The following FHIT variants were observed in gnomAD, a reference collection of about 807,000 sequenced individuals.
FHIT encodes the protein fragile histidine triad diadenosine triphosphatase.
FHIT carries 19 observed loss-of-function variants against 17.9 expected under a neutral mutation model. The observed-to-expected ratio is 1.06, with a 90% CI of 0.74 to 1.56. The LOEUF (loss-of-function observed/expected upper bound fraction) is 1.56. FHIT is among the 40% of genes most tolerant of loss of function. The probability of loss-of-function intolerance (pLI) is 0.00; values close to 1 mark genes in which losing one functional copy is unlikely to be tolerated. For missense variants in FHIT, 248 were observed against 189.2 expected (o/e 1.31, Z -1.82); for synonymous variants, 81 against 69.7 (o/e 1.16, Z -0.81).
chr3:60,109,015 T>C (rs1317176247), intron 5 of FHIT, among the ~76,000 whole-genome samples: 1 of 152,162 alleles, frequency 6.6e-6, no homozygotes, highest in Admixed American at 6.5e-5. Context: ...GGTAATTTTC[T>C]TTTTCACACC....
At chr3:59,932,819 T>G (rs1575720898) in intron 7 of FHIT, among the ~76,000 whole-genome samples, 1 of 152,200 alleles carries the variant, frequency 6.6e-6, no homozygotes, top group South Asian at 2.1e-4. Flanking sequence ...AAGGAAAGAA[T>G]AAGAGTAGTT....
At chr3:60,254,673 C>A (rs749452656) in intron 5 of FHIT, among the ~76,000 whole-genome samples, 4 of 152,116 alleles carry the variant, frequency 2.6e-5, no homozygotes, top group Non-Finnish European at 5.9e-5. Flanking sequence ...GACATTAAAT[C>A]AATACTGGCC....
At chr3:60,946,269 G>A (rs1391120415) in intron 3 of FHIT, among the ~76,000 whole-genome samples, 1 of 152,158 alleles carries the variant, frequency 6.6e-6, no homozygotes, top group African/African-American at 2.4e-5. Context: ...AGAGTGGGAT[G>A]CTGTGAAACA....
chr3:60,105,918 C>T (rs1704388512), intron 5 of FHIT, among the ~76,000 whole-genome samples: 1 of 152,292 alleles, frequency 6.6e-6, no homozygotes, highest in Non-Finnish European at 1.5e-5. Flanking sequence ...TGCAGTTTCC[C>T]ATTCAGTGCT....
Position 60,083,478 on chromosome 3 carries a change from G to A in FHIT, c.104-69326C>T, listed in dbSNP as rs145298290. 1.8e-4 allele frequency among the ~76,000 whole-genome samples: 27 copies of A among 150,574 alleles called. No homozygotes were observed. In the East Asian group the frequency reaches 3.6e-3, roughly 20 times the overall value. On this transcript the variant is annotated intron_variant, in intron 5 of 9. Coordinates refer to ENST00000492590, the MANE Select transcript of FHIT (RefSeq NM_002012.4). ...CATGTGAATAGTCTTTTCTAATTCCGTGAAAAATGACATTGGTAGTTTGAT... is the reference window on the plus strand; with the variant it reads ...CATGTGAATAGTCTTTTCTAATTCCATGAAAAATGACATTGGTAGTTTGAT...
rs940590581 is a variant in FHIT at position 60,544,683 on chromosome 3, G to A, written c.-17-7704C>T. On this transcript the variant is annotated intron_variant, in intron 4 of 9. Transcript: ENST00000492590. ...ACGATCTGGGCTCACTGCAAACTCC[G>A]CCTCCCCGGTTCAAGCGATTCTCCT... Among the ~76,000 whole-genome samples, 13 of 140,490 alleles carry A rather than the reference G, an allele frequency of 9.3e-5. No homozygotes were observed. In the South Asian group the frequency reaches 1.1e-3, roughly 12 times the overall value. The allele number at this position is 140,490 out of a possible 152,430, so 92.2% of individuals were successfully genotyped here. A position where few individuals can be genotyped will look rare whatever the true frequency, so the allele number is the denominator to read the frequency against.
chr3:60,171,487 G>T (rs115698803), intron 5 of FHIT, among the ~76,000 whole-genome samples: 5,219 of 152,174 alleles, frequency 0.034, 285 homozygotes, highest in African/African-American at 0.12. Flanking sequence ...CTAATTGTGG[G>T]TGCCAACTGG....
intron 5 of FHIT, among the ~76,000 whole-genome samples, chr3:60,155,309 C>G (rs1314142973): frequency 1.3e-5 from 2 of 152,096 alleles, no homozygotes; most frequent in Non-Finnish European, 2.9e-5. Context: ...TTCTTTGAAC[C>G]CTGAATTGCT....
intron 5 of FHIT, among the ~76,000 whole-genome samples, chr3:60,523,184 T>C (rs551376418): frequency 2.0e-5 from 3 of 152,318 alleles, no homozygotes; most frequent in Admixed American, 1.3e-4. Flanking sequence ...TATAATTCAA[T>C]ATGAGATTTG....
In FHIT at chr3:60,441,794, A is replaced by ATGTGTGTGTGTGTG. The variant is rs369962868; in HGVS notation, c.103+95065_103+95066insCACACACACACACA. On this transcript the variant is annotated intron_variant, in intron 5 of 9. Coordinates refer to ENST00000492590, the MANE Select transcript of FHIT (RefSeq NM_002012.4). ...TTTATATGTATAAAAATATATATAT[A>ATGTGTGTGTGTGTG]TATATATATATATATATATATCAGG... is the stretch of plus-strand genomic sequence containing the variant. Among the ~76,000 whole-genome samples, 61 of 47,064 alleles carry ATGTGTGTGTGTGTG rather than the reference A, an allele frequency of 1.3e-3. 1 individual carries two copies. Among genetic ancestry groups the ATGTGTGTGTGTGTG allele is most frequent in the Middle Eastern group, 0.011 (1 of 88 alleles). 30.9% of individuals were successfully genotyped at this position (47,064 alleles called of 152,430 possible). A position where few individuals can be genotyped will look rare whatever the true frequency, so the allele number is the denominator to read the frequency against.
At chr3:60,565,023 C>A (rs1172067229) in intron 4 of FHIT, among the ~76,000 whole-genome samples, 2 of 152,158 alleles carry the variant, frequency 1.3e-5, no homozygotes, top group Non-Finnish European at 2.9e-5. Flanking sequence ...GCCACAACCA[C>A]CCAACTTTCA....
chr3:60,113,482 T>G (rs568557271), intron 5 of FHIT, among the ~76,000 whole-genome samples: 1 of 151,930 alleles, frequency 6.6e-6, no homozygotes, highest in East Asian at 1.9e-4. Context: ...TCTTTTGGGA[T>G]TCAGTGTTAC....
In FHIT at chr3:60,371,022, C is replaced by T. The variant is rs369493290; in HGVS notation, c.103+165838G>A. Reference sequence around the variant, plus strand: ...TTGGACGTGTCATATGGTTTCAGAACCTAAGCCGTTTGCACAAGGCAAACC... The same window carrying T: ...TTGGACGTGTCATATGGTTTCAGAATCTAAGCCGTTTGCACAAGGCAAACC... On this transcript the variant is annotated intron_variant, in intron 5 of 9. Transcript: ENST00000492590. 1.3e-3 allele frequency among the ~76,000 whole-genome samples: 194 copies of T among 152,304 alleles called. 1 individual carries two copies. The highest frequency in any genetic ancestry group is 4.3e-3 in the African/African-American group (178 of 41,562).
intron 5 of FHIT, among the ~76,000 whole-genome samples, chr3:60,202,268 G>C (rs1003615082): frequency 1.3e-5 from 2 of 152,196 alleles, no homozygotes; most frequent in African/African-American, 4.8e-5. Flanking sequence ...CAATGACCTA[G>C]TAGCACTCGT....
chr3:59,758,660 T>G lies in FHIT; in HGVS notation c.349-6339A>C, dbSNP rs1012857028. ...CTGGCTAGAATATAATAAGATTGTTTTGTTTAGATCATATTTATTTTTAGG... is the reference window on the plus strand; with the variant it reads ...CTGGCTAGAATATAATAAGATTGTTGTGTTTAGATCATATTTATTTTTAGG... On this transcript the variant is annotated intron_variant, in intron 8 of 9. Coordinates refer to ENST00000492590, the MANE Select transcript of FHIT (RefSeq NM_002012.4). 2.6e-5 allele frequency among the ~76,000 whole-genome samples: 4 copies of G among 152,164 alleles called. No individual in the cohort carries two copies. The East Asian group carries it at 7.7e-4, about 29-fold the overall frequency.
At chr3:61,106,764 G>A (rs1167825481) in intron 2 of FHIT, among the ~76,000 whole-genome samples, 1 of 152,132 alleles carries the variant, frequency 6.6e-6, no homozygotes, top group African/African-American at 2.4e-5. Context: ...GGGTCCAAGT[G>A]ATTCTTCTGC....
chr3:60,574,692 T>A (rs902979417), intron 4 of FHIT, among the ~76,000 whole-genome samples: 6 of 152,132 alleles, frequency 3.9e-5, no homozygotes, highest in Non-Finnish European at 5.9e-5. Context: ...GGCTTGAGTG[T>A]GTCCCTGTAC....
chr3:60,935,115 G>A (rs1270074232), intron 3 of FHIT, among the ~76,000 whole-genome samples: 5 of 152,144 alleles, frequency 3.3e-5, no homozygotes, highest in African/African-American at 1.2e-4. Context: ...TATTACATGT[G>A]AAGAAAATTT....
At chr3:59,836,195 G>C (rs1339406416) in intron 8 of FHIT, among the ~76,000 whole-genome samples, 1 of 152,160 alleles carries the variant, frequency 6.6e-6, no homozygotes, top group Non-Finnish European at 1.5e-5. Context: ...AGATGCTGCA[G>C]GAGACTAGAA....
Sources: allele counts gnomAD v4.1 joint callset (sites outside exome capture counted in the v4.1 genomes callset), GRCh38; gene constraint gnomAD v4.1.1; transcripts MANE v1.5; gene names NCBI Gene and HGNC (gene_info 2026-07-23, HGNC 2026-07-21).